STK10: variants seen among roughly 807,000 people sequenced by gnomAD.
STK10 encodes serine/threonine kinase 10, also known as serine/threonine-protein kinase 10.
STK10 carries 78 observed loss-of-function variants against 113.8 expected under a neutral mutation model. The ratio of observed to expected loss-of-function variants is 0.69; its 90% CI spans 0.57 to 0.83. The LOEUF (loss-of-function observed/expected upper bound fraction) is 0.83. Ranked by LOEUF, STK10 falls within the 40% of genes least tolerant of loss-of-function variation. The pLI, the probability that STK10 is intolerant of heterozygous loss-of-function variation, is 0.00. For missense variants in STK10, 1,109 were observed against 1,280.1 expected, an observed-to-expected ratio of 0.87 and a Z score of 2.04; for synonymous variants, 465 against 494.7, an observed-to-expected ratio of 0.94 and a Z score of 0.80.
chr5:172,093,959 G>A lies in STK10; in HGVS notation c.1007C>T (p.Thr336Ile), dbSNP rs55972616. ...EEEDAVDAAS[T>I]LENHTQNSSE... ...GGAGTTCTGAGTATGGTTCTCCAGG[G>A]TCTAGAAAAATATATATATATATAT... The change falls in exon 9 of 19, where the codon ACC becomes ATC. Residue 336 changes from threonine to isoleucine, a missense_variant and splice_region_variant. By Grantham distance (89) the Thr-to-Ile change is moderately conservative. This residue lies in a region of STK10 where 885 missense variants were observed against 991.1 expected (regional missense o/e 0.89). Coordinates refer to ENST00000176763, the MANE Select transcript of STK10 (RefSeq NM_005990.4). This position sits in a 1 kb window ranked among gnomAD's most constrained non-coding sequence, Gnocchi z 4.1. 1 of 1,474,726 alleles carries A rather than the reference G, an allele frequency of 6.8e-7. No homozygotes were observed. The highest frequency in any genetic ancestry group is 2.3e-5 in the East Asian group (1 of 43,154). The allele number at this position is 1,474,726 out of a possible 1,614,324, so 91.4% of individuals were successfully genotyped here.
chr5:172,119,870 T>A (rs889918232), intron 3 of STK10, among the ~76,000 whole-genome samples: 5 of 125,940 alleles, frequency 4.0e-5, no homozygotes, highest in East Asian at 4.0e-4. Context: ...TCTCAAAAAA[T>A]AAATAAATAA....
chr5:172,090,169 T>C (rs151248157), intron 10 of STK10, 63 bp downstream of exon 10: 3 of 1,591,072 alleles, frequency 1.9e-6, no homozygotes, highest in African/African-American at 2.7e-5. Context: ...AAAGGACCAA[T>C]GCCCACTCCT....
chr5:172,078,619 T>TAAAAAAAAAAAAAAAAAAAAAAAA (rs58823824), intron 12 of STK10, among the ~76,000 whole-genome samples: 1 of 72,824 alleles, frequency 1.4e-5, no homozygotes, highest in African/African-American at 3.7e-5. Flanking sequence ...GCCTCATCAT[T>TAAAAAAAAAAAAAAAAAAAAAAAA]AAAAAAAAAA....
At chr5:172,107,284 A>T (rs1769136374) in intron 5 of STK10, among the ~76,000 whole-genome samples, 1 of 152,214 alleles carries the variant, frequency 6.6e-6, no homozygotes, top group Admixed American at 6.5e-5. Flanking sequence ...GAAACACGGC[A>T]AACAGAGAGT....
At chr5:172,117,433 C>A (rs907945920) in intron 4 of STK10, 48 bp downstream of exon 4, 11 of 1,601,840 alleles carry the variant, frequency 6.9e-6, no homozygotes, top group Admixed American at 3.3e-5. Context: ...GCCAACACCC[C>A]CAGGCAGACA....
intron 18 of STK10, among the ~76,000 whole-genome samples, chr5:172,048,176 T>G (rs1767536531): frequency 6.6e-6 from 1 of 152,144 alleles, no homozygotes; most frequent in Admixed American, 6.6e-5. Flanking sequence ...CTAGATGTGA[T>G]TAGCATTTCA....
intron 4 of STK10, among the ~76,000 whole-genome samples, chr5:172,114,144 T>C (rs1769310311): frequency 6.6e-6 from 1 of 151,992 alleles, no homozygotes; most frequent in Non-Finnish European, 1.5e-5. Context: ...TTTCCCACTA[T>C]CTGATCCGAC....
At chr5:172,106,896 A>G in intron 5 of STK10, 82 bp from the exon 6 acceptor site, 2 of 1,387,280 alleles carry the variant, frequency 1.4e-6, no homozygotes, top group African/African-American at 1.5e-5. Context: ...AAGGGCCACC[A>G]CGAGCCACTG....
intron 5 of STK10, among the ~76,000 whole-genome samples, chr5:172,107,366 A>G (rs1361654648): frequency 2.6e-5 from 4 of 152,346 alleles, no homozygotes; most frequent in Admixed American, 2.6e-4. Context: ...GAAACACGAC[A>G]GACTACAGAA....
rs1768456750 is a variant in STK10, at chr5:172,082,523, T to C, written c.1810-18A>G. On this transcript the variant is annotated intron_variant, in intron 11 of 18. Transcript: ENST00000176763. This position sits in a 1 kb window ranked among gnomAD's most constrained non-coding sequence, Gnocchi z 4.3. ...TTCTTGGCCTGAAAGGAGCAGAAATTCTGAGAAACTTAGCGAAGTCACTTT... is the reference window on the plus strand; with the variant it reads ...TTCTTGGCCTGAAAGGAGCAGAAATCCTGAGAAACTTAGCGAAGTCACTTT... 1.3e-6 allele frequency: 2 copies of C among 1,558,626 alleles called. No individual in the cohort carries two copies. The highest frequency in any genetic ancestry group is 2.3e-5 in the East Asian group (1 of 43,278).
intron 7 of STK10, among the ~76,000 whole-genome samples, chr5:172,098,498 G>C (rs1395335749): frequency 6.6e-6 from 1 of 152,190 alleles, no homozygotes; most frequent in Non-Finnish European, 1.5e-5. Flanking sequence ...GGACACACAG[G>C]ATGCAGAGGA....
intron 2 of STK10, among the ~76,000 whole-genome samples, chr5:172,149,625 G>A (rs3797328): frequency 0.5 from 75,600 of 151,606 alleles, 20,010 homozygotes; most frequent in African/African-American, 0.69. Flanking sequence ...AGGTCCCCAC[G>A]GCAAATGGAA....
chr5:172,097,333 C>T (rs1768879003), intron 7 of STK10, among the ~76,000 whole-genome samples: 2 of 152,214 alleles, frequency 1.3e-5, no homozygotes, highest in Non-Finnish European at 2.9e-5. Context: ...AGCCACTGTG[C>T]CCAGCCTCAA....
At chr5:172,102,505 G>A (rs1228917140) in intron 7 of STK10, among the ~76,000 whole-genome samples, 1 of 152,202 alleles carries the variant, frequency 6.6e-6, no homozygotes, top group African/African-American at 2.4e-5. Context: ...GGTGCGTGGA[G>A]ATGGAGGGAG....
intron 2 of STK10, among the ~76,000 whole-genome samples, chr5:172,138,510 T>C (rs1329598840): frequency 6.7e-6 from 1 of 149,646 alleles, no homozygotes; most frequent in Non-Finnish European, 1.5e-5. Context: ...AATAAACACA[T>C]TTAGTTGCAG....
intron 15 of STK10, among the ~76,000 whole-genome samples, chr5:172,056,160 T>G (rs1471685029): frequency 4.9e-4 from 75 of 152,230 alleles, no homozygotes; most frequent in Admixed American, 4.8e-3. Flanking sequence ...AACACCTATT[T>G]GTATTTCAAA....
At chr5:172,172,545 C>T (rs1335452062) in intron 1 of STK10, among the ~76,000 whole-genome samples, 2 of 152,166 alleles carry the variant, frequency 1.3e-5, no homozygotes, top group African/African-American at 4.8e-5. Flanking sequence ...TGCCTATGTC[C>T]CACTGTGAGA....
chr5:172,132,572 C>T (rs984458362), intron 2 of STK10, among the ~76,000 whole-genome samples: 4 of 152,074 alleles, frequency 2.6e-5, no homozygotes, highest in East Asian at 1.9e-4. Flanking sequence ...AAAGTGAAAC[C>T]GCCCCAGTGC....
At chr5:172,136,174 A>G (rs1769854300) in intron 2 of STK10, among the ~76,000 whole-genome samples, 1 of 152,224 alleles carries the variant, frequency 6.6e-6, no homozygotes, top group South Asian at 2.1e-4. Flanking sequence ...GAACAACTGT[A>G]TGACAACAAA....
Sources: allele counts gnomAD v4.1 joint callset (sites outside exome capture counted in the v4.1 genomes callset), GRCh38; gene constraint gnomAD v4.1.1; regional missense constraint gnomAD v4.1.1; non-coding constraint Gnocchi (gnomAD v3.1); transcripts MANE v1.5; gene names NCBI Gene and HGNC (gene_info 2026-07-23, HGNC 2026-07-21).